The following AOAH variants were observed in gnomAD, a reference collection of about 807,000 sequenced individuals.
AOAH encodes the protein acyloxyacyl hydrolase.
Under a neutral mutation model 92.2 loss-of-function variants are expected in AOAH, and 64 were observed. The ratio of observed to expected loss-of-function variants is 0.69; its 90% CI spans 0.57 to 0.86. The LOEUF (loss-of-function observed/expected upper bound fraction) is 0.86. Among genes scored for constraint, AOAH ranks in the 40% least tolerant of loss-of-function variants. The pLI is 0.00. For missense variants in AOAH, 656 were observed against 694.6 expected (o/e 0.94, Z 0.62); for synonymous variants, 263 against 254.5 (o/e 1.03, Z -0.32).
chr7:36,604,622 T>C (rs934286101), intron 11 of AOAH, among the ~76,000 whole-genome samples: 1 of 152,204 alleles, frequency 6.6e-6, no homozygotes, highest in Admixed American at 6.5e-5. Flanking sequence ...GTGCCTTCAC[T>C]TGGTCTTTTT....
At chr7:36,658,506 G>A (rs189929722) in intron 4 of AOAH, among the ~76,000 whole-genome samples, 170 of 152,078 alleles carry the variant, frequency 1.1e-3, no homozygotes, top group African/African-American at 3.8e-3. Flanking sequence ...CCTCCTCTCC[G>A]CAATCTAATT....
At chr7:36,701,475 AATTAT>A (rs1220043214) in intron 1 of AOAH, among the ~76,000 whole-genome samples, 11 of 150,284 alleles carry the variant, frequency 7.3e-5, no homozygotes, top group East Asian at 1.9e-4. Flanking sequence ...TAATATTGAC[AATTAT>A]ATTATATATA....
chr7:36,673,340 C>A (rs144605587), intron 3 of AOAH, among the ~76,000 whole-genome samples: 1 of 152,256 alleles, frequency 6.6e-6, no homozygotes, highest in East Asian at 1.9e-4. Context: ...GAGTTTGAGA[C>A]TATCCTGGCC....
chr7:36,723,958 A>G, intron 1 of AOAH, 64 bp downstream of exon 1: 1 of 1,536,960 alleles, frequency 6.5e-7, no homozygotes, highest in Non-Finnish European at 8.8e-7. Flanking sequence ...TTTATTACGC[A>G]AGCAAAGTAC....
chr7:36,681,493 T>A (rs1244466692), intron 2 of AOAH, among the ~76,000 whole-genome samples: 1 of 151,978 alleles, frequency 6.6e-6, no homozygotes, highest in East Asian at 1.9e-4. Flanking sequence ...AAGATGGTGG[T>A]GGAGGCAGCA....
chr7:36,701,713 A>G (rs1186646623), intron 1 of AOAH, among the ~76,000 whole-genome samples: 1 of 151,944 alleles, frequency 6.6e-6, no homozygotes, highest in African/African-American at 2.4e-5. Flanking sequence ...TCTAGCAGAC[A>G]GAGTATACTT....
At chr7:36,544,308 G>A (rs1170404946) in intron 15 of AOAH, among the ~76,000 whole-genome samples, 2 of 152,102 alleles carry the variant, frequency 1.3e-5, no homozygotes, top group Admixed American at 1.3e-4. Flanking sequence ...ATGTTTGGGG[G>A]AGACTTTGTG....
At chr7:36,618,413 T>G in intron 9 of AOAH, 68 bp from the exon 10 acceptor site, 1 of 1,444,880 alleles carries the variant, frequency 6.9e-7, no homozygotes, top group Non-Finnish European at 9.7e-7. Flanking sequence ...ACTAAAGCTC[T>G]CCTAAATGGC....
At position 36,703,669 on chromosome 7, in the gene AOAH, T is replaced by C. The variant is rs555139095; in HGVS notation, c.128-16875A>G. Among the ~76,000 whole-genome samples, 4 of 152,238 alleles carry C rather than the reference T, an allele frequency of 2.6e-5. No individual in the cohort carries two copies. In the South Asian group the frequency reaches 8.3e-4, roughly 32 times the overall value. On this transcript the variant is annotated intron_variant, in intron 1 of 20. Transcript: ENST00000617537. ...GTTTGGTTTTCTGTTCCTGTGTTAG[T>C]TTGCTGAGAATGAGGGTTTCCAGCT...
chr7:36,563,562 G>A (rs1787446726), intron 13 of AOAH, among the ~76,000 whole-genome samples: 1 of 152,110 alleles, frequency 6.6e-6, no homozygotes, highest in African/African-American at 2.4e-5. Flanking sequence ...TATTTTCAGT[G>A]GGAGAGACAG....
At chr7:36,649,779 G>A (rs890367128) in intron 4 of AOAH, among the ~76,000 whole-genome samples, 9 of 152,244 alleles carry the variant, frequency 5.9e-5, no homozygotes, top group African/African-American at 1.7e-4. Flanking sequence ...GCTGTTTGCC[G>A]CCGTGGCAGA....
intron 2 of AOAH, among the ~76,000 whole-genome samples, chr7:36,678,600 T>TGTGTGTGTGTGTGCGCGC (rs549317369): frequency 7.4e-4 from 97 of 131,064 alleles, no homozygotes; most frequent in South Asian, 1.4e-3. Flanking sequence ...TGTGTGTGTG[T>TGTGTGTGTGTGTGCGCGC]GCGCGCGCGC....
chr7:36,532,101 G>C (rs751333353), intron 18 of AOAH, 46 bp downstream of exon 18: 1 of 1,606,018 alleles, frequency 6.2e-7, no homozygotes, highest in Non-Finnish European at 8.5e-7. Flanking sequence ...CAAACACAGG[G>C]AAAGAATGAT....
chr7:36,711,924 C>T (rs1195046942), intron 1 of AOAH, among the ~76,000 whole-genome samples: 1 of 152,090 alleles, frequency 6.6e-6, no homozygotes, highest in Non-Finnish European at 1.5e-5. Context: ...GGTAAGTCCT[C>T]CTGGAGAACT....
Position 36,514,698 on chromosome 7 carries a change from T to G in AOAH, c.1600-1318A>C, listed in dbSNP as rs1790237184. On this transcript the variant is annotated intron_variant, in intron 20 of 20. Coordinates refer to ENST00000617537, the MANE Select transcript of AOAH (RefSeq NM_001637.4). ...AATGCTGAGCAATGAGAAATGTGAT[T>G]GCTGAAGGCCTGCCAGAGGGGAATA... 13 of 763,384 alleles carry G rather than the reference T, an allele frequency of 1.7e-5. No homozygotes were observed. The South Asian group carries it at 1.8e-4, about 11-fold the overall frequency. The allele number at this position is 763,384 out of a possible 1,614,324, so 47.3% of individuals were successfully genotyped here. A position where few individuals can be genotyped will look rare whatever the true frequency, so the allele number is the denominator to read the frequency against.
intron 1 of AOAH, among the ~76,000 whole-genome samples, chr7:36,707,337 T>A (rs1033215555): frequency 9.9e-5 from 15 of 152,084 alleles, no homozygotes; most frequent in African/African-American, 3.1e-4. Context: ...CTGTCTTATA[T>A]GGGTGTGGTT....
intron 1 of AOAH, among the ~76,000 whole-genome samples, chr7:36,694,514 G>A (rs1797591081): frequency 6.6e-6 from 1 of 152,014 alleles, no homozygotes; most frequent in African/African-American, 2.4e-5. Context: ...AAACCACTCA[G>A]AAATAACTGG....
chr7:36,556,211 A>G (rs1786697392), intron 13 of AOAH, among the ~76,000 whole-genome samples: 1 of 152,128 alleles, frequency 6.6e-6, no homozygotes, highest in African/African-American at 2.4e-5. Flanking sequence ...TTCAAAGAAC[A>G]TCTTTATTTC....
intron 12 of AOAH, among the ~76,000 whole-genome samples, chr7:36,588,802 G>T (rs1789539084): frequency 6.6e-6 from 1 of 152,166 alleles, no homozygotes; most frequent in African/African-American, 2.4e-5. Flanking sequence ...TGCCCCTGAA[G>T]AGCATTATTG....
Sources: gnomAD v4.1 joint callset for allele counts (sites outside exome capture counted in the v4.1 genomes callset) on GRCh38, gnomAD v4.1.1 for gene constraint, MANE v1.5 for transcripts, NCBI Gene and HGNC (gene_info 2026-07-23, HGNC 2026-07-21) for gene names.